PDE4B: variants seen among roughly 807,000 people sequenced by gnomAD.
PDE4B encodes the protein 3',5'-cyclic-AMP phosphodiesterase 4B.
In PDE4B, 20 loss-of-function variants were observed where a neutral mutation model predicts 82.2. The ratio of observed to expected loss-of-function variants is 0.24; its 90% CI spans 0.17 to 0.35. PDE4B has a LOEUF of 0.35. Ranked by LOEUF, PDE4B falls within the 10% of genes least tolerant of loss-of-function variation. The probability of loss-of-function intolerance (pLI) is 1.00; values close to 1 mark genes in which losing one functional copy is unlikely to be tolerated. For missense variants in PDE4B, 655 were observed against 907.2 expected (o/e 0.72, Z 3.57); for synonymous variants, 320 against 318.9 (o/e 1.00, Z -0.04).
chr1:66,029,968 G>A (rs538644660), intron 3 of PDE4B, among the ~76,000 whole-genome samples: 22 of 151,524 alleles, frequency 1.5e-4, no homozygotes, highest in African/African-American at 4.4e-4. Context: ...CAGATTAAGT[G>A]GGATAGTCAA....
chr1:66,033,006 C>G lies in PDE4B; in HGVS notation c.281+114171C>G, dbSNP rs184769114. Among the ~76,000 whole-genome samples the G allele has an allele frequency of 2.5e-4, 38 of 152,280 alleles. No homozygotes were observed. In the East Asian group the frequency reaches 6.9e-3, roughly 28 times the overall value. The stretch of plus-strand genomic sequence containing the variant: ...CCATTTTGCTTTGTTTCTTCTCTCC[C>G]TCGCTTCCTTCTCTTCTTCCTTGCT... On this transcript the variant is annotated intron_variant, in intron 3 of 16. Transcript: ENST00000341517.
chr1:66,238,773 G>A (rs1178238573), intron 3 of PDE4B, among the ~76,000 whole-genome samples: 2 of 151,954 alleles, frequency 1.3e-5, no homozygotes, highest in Non-Finnish European at 2.9e-5. Context: ...AAGGGGGCGG[G>A]GAAGGGTGGG....
chr1:66,353,465 C>T (rs1249868323), intron 8 of PDE4B, among the ~76,000 whole-genome samples: 1 of 152,160 alleles, frequency 6.6e-6, no homozygotes, highest in Admixed American at 6.5e-5. Context: ...TGCGGATGCT[C>T]ATTTGAAAGG....
intron 7 of PDE4B, among the ~76,000 whole-genome samples, chr1:66,283,674 TGAGGAACTGA>T (rs1423431460): frequency 6.6e-6 from 1 of 152,142 alleles, no homozygotes; most frequent in African/African-American, 2.4e-5. Flanking sequence ...TAGAAAGTAT[TGAGGAACTGA>T]GAGGAAGATA....
intron 7 of PDE4B, among the ~76,000 whole-genome samples, chr1:66,297,149 G>C (rs1007500376): frequency 2.6e-5 from 4 of 151,966 alleles, no homozygotes; most frequent in Non-Finnish European, 4.4e-5. Flanking sequence ...TCAGAGTCTC[G>C]GGGGAAAATG....
intron 3 of PDE4B, among the ~76,000 whole-genome samples, chr1:66,194,197 T>C (rs1648075974): frequency 6.6e-6 from 1 of 152,144 alleles, no homozygotes; most frequent in Non-Finnish European, 1.5e-5. Flanking sequence ...CCTGAACCTT[T>C]CTTCACAATT....
intron 2 of PDE4B, among the ~76,000 whole-genome samples, chr1:65,916,490 T>C (rs1312622947): frequency 6.6e-6 from 1 of 152,140 alleles, no homozygotes; most frequent in Non-Finnish European, 1.5e-5. Flanking sequence ...GATATCCTTA[T>C]TTCTGTTCTT....
chr1:65,794,898 A>G (rs1007131432), intron 1 of PDE4B, among the ~76,000 whole-genome samples: 9 of 152,124 alleles, frequency 5.9e-5, no homozygotes, highest in African/African-American at 1.9e-4. Flanking sequence ...TTGTATTTTT[A>G]TCAGCTGATT....
chr1:66,116,660 C>T (rs1312669216), intron 3 of PDE4B, among the ~76,000 whole-genome samples: 2 of 152,156 alleles, frequency 1.3e-5, no homozygotes, highest in Non-Finnish European at 2.9e-5. Flanking sequence ...ACCTTCTTGG[C>T]TCAAGCTATC....
At chr1:66,044,114 T>G (rs1361017983) in intron 3 of PDE4B, among the ~76,000 whole-genome samples, 1 of 151,708 alleles carries the variant, frequency 6.6e-6, no homozygotes, top group Non-Finnish European at 1.5e-5. Context: ...TTCAACCTAA[T>G]TTTTGCTTCT....
At chr1:66,269,222 G>T (rs1271597370) in intron 7 of PDE4B, among the ~76,000 whole-genome samples, 1 of 152,190 alleles carries the variant, frequency 6.6e-6, no homozygotes, top group African/African-American at 2.4e-5. Context: ...ATATATGTTA[G>T]TGTGTTCGTA....
intron 1 of PDE4B, among the ~76,000 whole-genome samples, chr1:65,850,379 G>A (rs1366023186): frequency 6.6e-6 from 1 of 152,136 alleles, no homozygotes. Flanking sequence ...TTACAGGGGT[G>A]AGCACTGTGC....
chr1:66,021,454 A>G (rs964110799), intron 3 of PDE4B, among the ~76,000 whole-genome samples: 3 of 152,194 alleles, frequency 2.0e-5, no homozygotes, highest in African/African-American at 7.2e-5. Flanking sequence ...CTTTAGGTCT[A>G]ACATTCAAGT....
intron 1 of PDE4B, among the ~76,000 whole-genome samples, chr1:65,894,699 TG>T (rs1330579793): frequency 6.6e-6 from 1 of 152,042 alleles, no homozygotes; most frequent in Admixed American, 6.6e-5. Context: ...AATAAAATTA[TG>T]GGGGAAAAGT....
At chr1:66,329,065 T>C (rs6680071) in intron 7 of PDE4B, among the ~76,000 whole-genome samples, 95,301 of 152,018 alleles carry the variant, frequency 0.63, 30,105 homozygotes, top group East Asian at 0.83. Flanking sequence ...GGACACAGCT[T>C]GTCAGTCTGG....
chr1:66,227,499 T>C (rs1344026671), intron 3 of PDE4B, among the ~76,000 whole-genome samples: 3 of 152,172 alleles, frequency 2.0e-5, no homozygotes, highest in Non-Finnish European at 1.5e-5. Context: ...AATATAAATA[T>C]ACAATATATA....
intron 7 of PDE4B, among the ~76,000 whole-genome samples, chr1:66,268,245 A>T (rs996952957): frequency 6.6e-6 from 1 of 152,242 alleles, no homozygotes; most frequent in Non-Finnish European, 1.5e-5. Context: ...GAACATATAA[A>T]TGAGAAAAAA....
chr1:66,203,917 G>A (rs1204809204), intron 3 of PDE4B, among the ~76,000 whole-genome samples: 1 of 152,178 alleles, frequency 6.6e-6, no homozygotes, highest in Admixed American at 6.5e-5. Flanking sequence ...GAGGAGGAGA[G>A]GTGCTCTGCT....
intron 3 of PDE4B, among the ~76,000 whole-genome samples, chr1:66,228,637 A>AC (rs1651670976): frequency 6.6e-6 from 1 of 150,906 alleles, no homozygotes; most frequent in African/African-American, 2.5e-5. Flanking sequence ...AAAAAAAAAA[A>AC]AAAAAACATG....
Sources: gnomAD v4.1 joint callset for allele counts (sites outside exome capture counted in the v4.1 genomes callset) on GRCh38, gnomAD v4.1.1 for gene constraint, MANE v1.5 for transcripts, NCBI Gene and HGNC (gene_info 2026-07-23, HGNC 2026-07-21) for gene names.